Variants in RNF17 observed in about 807,000 individuals in gnomAD.
The protein encoded by RNF17 is spermatogenesis associated 23.
RNF17 carries 31 observed loss-of-function variants against 200.5 expected under a neutral mutation model. The ratio of observed to expected loss-of-function variants is 0.15; its 90% confidence interval spans 0.12 to 0.21. RNF17 has a LOEUF of 0.21. Among genes scored for constraint, RNF17 ranks in the 10% least tolerant of loss-of-function variants. RNF17 has a pLI of 1.00. For missense variants in RNF17, 1,628 were observed against 1,905.1 expected, an observed-to-expected ratio of 0.85 and a Z score of 2.71; for synonymous variants, 606 against 637.8, an observed-to-expected ratio of 0.95 and a Z score of 0.75.
At chr13:24,806,550 T>C (rs979985451) in intron 15 of RNF17, among the ~76,000 whole-genome samples, 3 of 152,160 alleles carry the variant, frequency 2.0e-5, no homozygotes, top group Non-Finnish European at 4.4e-5. Context: ...TATCTCATTG[T>C]GGTTTTGATT....
intron 15 of RNF17, among the ~76,000 whole-genome samples, chr13:24,814,230 G>C (rs7989131): frequency 0.22 from 34,032 of 152,090 alleles, 4,348 homozygotes; most frequent in East Asian, 0.4. Context: ...TGGTCTTGCT[G>C]TCTCAGGTCT....
Position 24,844,636 on chromosome 13 carries a change from T to A in RNF17, c.2832-16T>A, listed in dbSNP as rs1228274316. ...AAGAAAAGGTTTGGAAAGTTAAATA[T>A]TTTTTATCTCTATAGTTTAGAAGAA... On this transcript the variant is annotated splice_polypyrimidine_tract_variant and intron_variant, in intron 20 of 35. Coordinates refer to ENST00000255324, the MANE Select transcript of RNF17 (RefSeq NM_031277.3). 6.5e-7 allele frequency: 1 copy of A among 1,543,990 alleles called. No individual in the cohort carries two copies. Among genetic ancestry groups the A allele is most frequent in the Admixed American group, 1.9e-5 (1 of 52,752 alleles).
chr13:24,776,915 T>C lies in RNF17; in HGVS notation c.318-1380T>C, dbSNP rs545813907. On this transcript the variant is annotated intron_variant, in intron 3 of 35. Coordinates refer to ENST00000255324, the MANE Select transcript of RNF17 (RefSeq NM_031277.3). ...CCAGTCAAACCAGGATGTACTCTTA[T>C]CTATATATGTATAATGTCTGTTAGA... 2.6e-5 allele frequency among the ~76,000 whole-genome samples: 4 copies of C among 152,350 alleles called. No individual in the cohort carries two copies. The South Asian group carries it at 6.2e-4, about 24-fold the overall frequency.
upstream of RNF17, among the ~76,000 whole-genome samples, chr13:24,761,653 G>T (rs561209619): frequency 1.1e-3 from 173 of 152,302 alleles, 1 homozygote; most frequent in Non-Finnish European, 1.8e-3. Flanking sequence ...GGCCATTAAG[G>T]TTTTGTTGTA....
chr13:24,876,527 T>C (rs1445187369), intron 33 of RNF17, among the ~76,000 whole-genome samples: 3 of 152,258 alleles, frequency 2.0e-5, no homozygotes, highest in Non-Finnish European at 2.9e-5. Flanking sequence ...GCTGCGCCAT[T>C]TTACATTCTC....
downstream of RNF17, chr13:24,883,104 AG>A: frequency 7.6e-7 from 1 of 1,310,118 alleles, no homozygotes; most frequent in Non-Finnish European, 1.1e-6. Flanking sequence ...TAAATTAAAC[AG>A]AATCCACAGT....
chr13:24,821,814 AT>A (rs1313221006), intron 15 of RNF17, among the ~76,000 whole-genome samples: 1 of 151,648 alleles, frequency 6.6e-6, no homozygotes, highest in Admixed American at 6.6e-5. Flanking sequence ...TTTGATTTGC[AT>A]TTTTTTTCTG....
chr13:24,844,855 A>G, intron 21 of RNF17, 53 bp downstream of exon 21: 1 of 1,583,762 alleles, frequency 6.3e-7, no homozygotes, highest in African/African-American at 1.4e-5. Context: ...TGCATTTTGT[A>G]TTTTTTTCCC....
chr13:24,881,468 T>G (rs962513087), downstream of RNF17, among the ~76,000 whole-genome samples: 1 of 152,026 alleles, frequency 6.6e-6, no homozygotes, highest in African/African-American at 2.4e-5. Flanking sequence ...AAGGTTTGTG[T>G]TTTTTGTCTC....
chr13:24,878,499 G>T (rs537569251), intron 34 of RNF17, among the ~76,000 whole-genome samples: 108 of 152,294 alleles, frequency 7.1e-4, no homozygotes, highest in African/African-American at 2.5e-3. Flanking sequence ...AGCTGGTAGC[G>T]TGGCTCAGTC....
At chr13:24,856,956 A>T (rs1221271608) in intron 25 of RNF17, among the ~76,000 whole-genome samples, 3 of 152,172 alleles carry the variant, frequency 2.0e-5, no homozygotes, top group Non-Finnish European at 2.9e-5. Flanking sequence ...AGGCAAAGTT[A>T]GGCTAGAGAT....
intron 6 of RNF17, among the ~76,000 whole-genome samples, chr13:24,785,483 G>A (rs1882984684): frequency 6.6e-6 from 1 of 152,126 alleles, no homozygotes; most frequent in Non-Finnish European, 1.5e-5. Flanking sequence ...AAATGTTAAT[G>A]AACATTAAAC....
rs1185365034 is a variant in RNF17, at chr13:24,874,195, C to T, written c.4529C>T (p.Ser1510Phe). The T allele has an allele frequency of 1.9e-6, 3 of 1,610,694 alleles. No homozygotes were observed. The African/African-American group carries it at 4.0e-5, about 22-fold the overall frequency. Residue 1510 changes from serine to phenylalanine, a missense_variant, in exon 33 of 36, where the codon TCT (serine) becomes TTT (phenylalanine). By Grantham distance (155) the Ser-to-Phe change is radical. Coordinates refer to ENST00000255324, the MANE Select transcript of RNF17 (RefSeq NM_031277.3). ...GCCATTAAAGAATTTAATCCTTTAT[C>T]TATCTTAGTACAATTTGTTGATTAT... ...IVAIKEFNPL[S>F]ILVQFVDYGS...
At chr13:24,845,805 C>T (rs1891198887) in intron 22 of RNF17, among the ~76,000 whole-genome samples, 1 of 152,160 alleles carries the variant, frequency 6.6e-6, no homozygotes, top group Admixed American at 6.5e-5. Context: ...GCGTTTTTAG[C>T]CGTATAACCT....
rs1226433477 is a variant in RNF17 at position 24,844,907 on chromosome 13, A to G, written c.2983-54A>G. The G allele has an allele frequency of 1.9e-5, 29 of 1,561,488 alleles. No individual in the cohort carries two copies. The Admixed American group carries it at 5.0e-4, about 27-fold the overall frequency. ...TTCATTGAGTTTTTCAGTTTGCCAA[A>G]AAAATATTTCGAAATGTTGTTTGTC... On this transcript the variant is annotated intron_variant, in intron 21 of 35. Transcript: ENST00000255324.
rs771005924 is a variant in RNF17 at position 24,788,046 on chromosome 13, A to G, written c.670A>G (p.Ile224Val). 4 of 1,591,694 alleles carry G rather than the reference A, an allele frequency of 2.5e-6. No homozygotes were observed. In the Admixed American group the frequency reaches 5.7e-5, roughly 23 times the overall value. Reference protein sequence around the residue: ...RTTDDYLSNLIKAKSYIEEKK... With the variant: ...RTTDDYLSNLVKAKSYIEEKK... ...TACTGATGATTATCTATCAAATTTA[A>G]TAAAGGCTAAAAGCTACATTGAAGA... is the stretch of plus-strand genomic sequence containing the variant. Residue 224 changes from isoleucine (I) to valine (V), a missense_variant, in exon 7 of 36, where the codon ATA becomes GTA. Ile to Val is a conservative substitution (Grantham distance 29). Transcript: ENST00000255324.
chr13:24,804,535 C>T, intron 15 of RNF17, 106 bp downstream of exon 15: 1 of 737,180 alleles, frequency 1.4e-6, no homozygotes, highest in African/African-American at 1.8e-5. Flanking sequence ...AGCAAACGTA[C>T]CACTGTTAAC....
At chr13:24,813,979 T>C (rs1051583945) in intron 15 of RNF17, among the ~76,000 whole-genome samples, 2 of 152,008 alleles carry the variant, frequency 1.3e-5, no homozygotes, top group Admixed American at 1.3e-4. Context: ...ATCTTTTGAT[T>C]TCCACAAAAC....
At chr13:24,801,006 A>G (rs1020578461) in intron 13 of RNF17, among the ~76,000 whole-genome samples, 5 of 152,244 alleles carry the variant, frequency 3.3e-5, no homozygotes, top group Admixed American at 6.5e-5. Flanking sequence ...TACAAGGTCT[A>G]TGAGAGCAGA....
Sources: allele counts gnomAD v4.1 joint callset (sites outside exome capture counted in the v4.1 genomes callset), GRCh38; gene constraint gnomAD v4.1.1; transcripts MANE v1.5; gene names NCBI Gene and HGNC (gene_info 2026-07-23, HGNC 2026-07-21).